Variants in NUP210 observed in about 807,000 individuals in gnomAD.
The protein encoded by NUP210 is nucleoporin 210.
NUP210 carries 151 observed loss-of-function variants against 196.0 expected under a neutral mutation model. That is an observed-to-expected ratio of 0.77 (90% CI 0.67 to 0.88). NUP210 has a LOEUF of 0.88. NUP210 is among the 40% of genes least tolerant of loss of function. The pLI, the probability that NUP210 is intolerant of heterozygous loss-of-function variation, is 0.00. For missense variants in NUP210, 2,314 were observed against 2,493.7 expected (o/e 0.93, Z 1.53); for synonymous variants, 1,070 against 1,052.7 (o/e 1.02, Z -0.32).
At position 13,339,899 on chromosome 3, in the gene NUP210, C is replaced by T. The variant is rs2124858407; in HGVS notation, c.3426G>A (p.Val1142=). 6.2e-7 allele frequency: 1 copy of T among 1,614,004 alleles called. No individual in the cohort carries two copies. Among genetic ancestry groups the T allele is most frequent in the Non-Finnish European group, 8.5e-7 (1 of 1,180,026 alleles). ...AIGNGTVSGL[V]QAVDAETGKV... ...TGCCGGTCTCTGCATCCACTGCCTG[C>T]ACGAGCCCAGACACAGTGCCGTTCC... is the stretch of plus-strand genomic sequence containing the variant. Residue 1142 remains valine (V), a synonymous_variant, in exon 25 of 40, where the codon GTG becomes GTA. Transcript: ENST00000254508.
chr3:13,336,101 C>A (rs1042342085), intron 27 of NUP210, among the ~76,000 whole-genome samples: 1 of 152,334 alleles, frequency 6.6e-6, no homozygotes, highest in Admixed American at 6.5e-5. Flanking sequence ...GGGGGGCATT[C>A]GTCCCACACT....
chr3:13,351,644 G>C (rs1697975680), intron 20 of NUP210: 1 of 469,282 alleles, frequency 2.1e-6, no homozygotes, highest in Non-Finnish European at 3.8e-6. Context: ...GTGCTACCAT[G>C]CCCAGCTAAT....
Position 13,323,815 on chromosome 3 carries a change from G to T in NUP210, c.4645-383C>A, listed in dbSNP as rs1171844466. ...CCAGTCTGCCCAGATTTTCCCAGCT[G>T]TTCCCCCTGTGCCCATCCTGTACCT... On this transcript the variant is annotated intron_variant, in intron 33 of 39. Coordinates refer to ENST00000254508, the MANE Select transcript of NUP210 (RefSeq NM_024923.4). The surrounding 1 kb of genome is among the most constrained non-coding windows in gnomAD (Gnocchi z 4.3). Among the ~76,000 whole-genome samples the T allele has an allele frequency of 6.6e-6, 1 of 152,042 alleles. No homozygotes were observed. The highest frequency in any genetic ancestry group is 1.5e-5 in the Non-Finnish European group (1 of 67,998).
intron 1 of NUP210, among the ~76,000 whole-genome samples, chr3:13,419,046 T>TA (rs1367723966): frequency 1.3e-5 from 2 of 150,818 alleles, no homozygotes; most frequent in East Asian, 3.9e-4. Context: ...GCATCACACT[T>TA]ACATACACGC....
At chr3:13,337,670 C>T (rs1342959506) in intron 26 of NUP210, among the ~76,000 whole-genome samples, 167 bp downstream of exon 26, 1 of 152,166 alleles carries the variant, frequency 6.6e-6, no homozygotes, top group African/African-American at 2.4e-5. Context: ...TCAGTGGCTA[C>T]CAGAGAGCAA....
At chr3:13,362,512 A>G (rs374722754) in intron 14 of NUP210, among the ~76,000 whole-genome samples, 14 of 152,354 alleles carry the variant, frequency 9.2e-5, no homozygotes, top group African/African-American at 2.9e-4. Context: ...TCTGTTGTTT[A>G]TAAGCTACCC....
chr3:13,346,386 T>C (rs543011623), intron 20 of NUP210, among the ~76,000 whole-genome samples: 1 of 152,310 alleles, frequency 6.6e-6, no homozygotes, highest in East Asian at 1.9e-4. Context: ...TGCTTCCTGA[T>C]TGACACATGG....
chr3:13,390,940 T>C (rs867512748), intron 4 of NUP210, among the ~76,000 whole-genome samples: 1 of 152,190 alleles, frequency 6.6e-6, no homozygotes, highest in African/African-American at 2.4e-5. Context: ...GAGACAGCCA[T>C]GCATGTCTCA....
chr3:13,338,657 A>G (rs959850878), intron 25 of NUP210, among the ~76,000 whole-genome samples: 4 of 152,208 alleles, frequency 2.6e-5, no homozygotes, highest in Non-Finnish European at 5.9e-5. Context: ...TGGATTGGAC[A>G]GATGGAACTG....
In NUP210 at chr3:13,397,406, G is replaced by C. The variant is rs1175518566; in HGVS notation, c.387C>G (p.Tyr129Ter). The C allele has an allele frequency of 1.8e-5, 29 of 1,612,888 alleles. No individual in the cohort carries two copies. Among genetic ancestry groups the C allele is most frequent in the Non-Finnish European group, 2.4e-5 (28 of 1,179,580 alleles). The change falls in exon 3 of 40, where the codon TAC becomes TAG. Residue 129 changes from tyrosine (Y) to a stop codon, truncating the protein, a stop_gained. Transcript: ENST00000254508. LOFTEE classifies it high-confidence loss of function. ...IQIVSTTREL[Y>*]LEDSPLELKI... ...TCAGCTCCAGGGGGGAGTCCTCCAG[G>C]TAGAGCTCGCGGGTGGTGGAGACGA...
chr3:13,411,006 G>A (rs1700159079), intron 1 of NUP210, among the ~76,000 whole-genome samples: 1 of 151,628 alleles, frequency 6.6e-6, no homozygotes, highest in South Asian at 2.1e-4. Flanking sequence ...AGGATTGCTT[G>A]AGGCCAGTAG....
intron 1 of NUP210, among the ~76,000 whole-genome samples, chr3:13,410,404 C>T (rs1046515782): frequency 3.3e-5 from 5 of 151,330 alleles, no homozygotes; most frequent in African/African-American, 1.2e-4. Flanking sequence ...TCTCAAACTC[C>T]TGACCTCAGG....
intron 1 of NUP210, among the ~76,000 whole-genome samples, chr3:13,402,022 C>T (rs191921277): frequency 1.3e-5 from 2 of 152,108 alleles, no homozygotes; most frequent in East Asian, 3.9e-4. Flanking sequence ...AAGTGAGACG[C>T]CATCTCTACA....
intron 36 of NUP210, 94 bp downstream of exon 36, chr3:13,321,491 G>A: frequency 7.5e-7 from 1 of 1,340,114 alleles, no homozygotes; most frequent in Admixed American, 2.2e-5. Flanking sequence ...AAAGAGAGCT[G>A]GCCCAGGACA....
At chr3:13,337,993 G>A (rs1393545776) in intron 25 of NUP210, 76 bp from the exon 26 acceptor site, 2 of 1,380,058 alleles carry the variant, frequency 1.4e-6, no homozygotes, top group Non-Finnish European at 2.0e-6. Flanking sequence ...ACCCCTCAAG[G>A]GAAGCAGGCT....
chr3:13,362,121 G>A (rs567294517), intron 14 of NUP210, among the ~76,000 whole-genome samples: 32 of 152,236 alleles, frequency 2.1e-4, no homozygotes, highest in African/African-American at 6.7e-4. Flanking sequence ...TGGAGGGTAC[G>A]GTGTGTCTGT....
chr3:13,317,552 G>A lies in NUP210; in HGVS notation c.*129C>T. The A allele has an allele frequency of 1.4e-6, 1 of 709,962 alleles. No individual in the cohort carries two copies. The highest frequency in any genetic ancestry group is 2.5e-6 in the Non-Finnish European group (1 of 400,630). 44.0% of individuals were successfully genotyped at this position (709,962 alleles called of 1,614,324 possible). A position where few individuals can be genotyped will look rare whatever the true frequency, so the allele number is the denominator to read the frequency against. ...TACAGCTCTGTGTGAAGAGACGGCA[G>A]TGAAGCTGGCCTGGGGCCGGGGCAC... On this transcript the variant is annotated 3_prime_UTR_variant, in exon 40 of 40. Coordinates refer to ENST00000254508, the MANE Select transcript of NUP210 (RefSeq NM_024923.4).
Position 13,358,270 on chromosome 3 carries a change from G to T in NUP210, c.2280C>A (p.Ser760Arg). The T allele has an allele frequency of 6.2e-7, 1 of 1,613,644 alleles. No individual in the cohort carries two copies. Among genetic ancestry groups the T allele is most frequent in the Non-Finnish European group, 8.5e-7 (1 of 1,179,816 alleles). ...GCGGACAGGACATGTCCAGCTGGGG[G>T]CTGGTGTAGACAGGCGCGAGGGTGA... is the stretch of plus-strand genomic sequence containing the variant. ...SRLTLAPVYT[S>R]PQLDMSCPLL... The change falls in exon 16 of 40, where the codon AGC becomes AGA. Residue 760 changes from serine to arginine, a missense_variant. Ser to Arg is a moderately radical substitution (Grantham distance 110). Coordinates refer to ENST00000254508, the MANE Select transcript of NUP210 (RefSeq NM_024923.4).
chr3:13,359,802 C>G (rs1698308007), intron 15 of NUP210, among the ~76,000 whole-genome samples: 2 of 152,168 alleles, frequency 1.3e-5, no homozygotes, highest in African/African-American at 4.8e-5. Flanking sequence ...CCCTCAGCCT[C>G]CTCAGCTTTT....
Sources: allele counts gnomAD v4.1 joint callset (sites outside exome capture counted in the v4.1 genomes callset), GRCh38; gene constraint gnomAD v4.1.1; non-coding constraint Gnocchi (gnomAD v3.1); transcripts MANE v1.5; gene names NCBI Gene and HGNC (gene_info 2026-07-23, HGNC 2026-07-21).